The following CFAP44 variants were observed in gnomAD, a reference collection of about 807,000 sequenced individuals.
CFAP44 encodes cilia- and flagella-associated protein 44.
Under a neutral mutation model 216.2 loss-of-function variants are expected in CFAP44, and 134 were observed. The ratio of observed to expected loss-of-function variants is 0.62; its 90% CI spans 0.54 to 0.72. The LOEUF (loss-of-function observed/expected upper bound fraction) is 0.72. Among genes scored for constraint, CFAP44 ranks in the 30% least tolerant of loss-of-function variants. The probability of loss-of-function intolerance (pLI) is 0.00; values close to 1 mark genes in which losing one functional copy is unlikely to be tolerated. For missense variants in CFAP44, 2,035 were observed against 2,182.1 expected, an observed-to-expected ratio of 0.93 and a Z score of 1.34; for synonymous variants, 700 against 727.6, an observed-to-expected ratio of 0.96 and a Z score of 0.61.
chr3:113,323,589 G>A (rs968947959), intron 28 of CFAP44, among the ~76,000 whole-genome samples: 6 of 151,980 alleles, frequency 3.9e-5, no homozygotes, highest in Admixed American at 2.0e-4. Context: ...TAAAATAAAA[G>A]CTGAATTTTT....
chr3:113,396,633 G>A lies in CFAP44; in HGVS notation c.1664C>T (p.Ala555Val), dbSNP rs145391746. The A allele has an allele frequency of 2.9e-4, 466 of 1,613,952 alleles. No individual in the cohort carries two copies. The highest frequency in any genetic ancestry group is 6.6e-4 in the Middle Eastern group (4 of 6,062). The change falls in exon 14 of 35, where the codon GCG becomes GTG. Residue 555 changes from alanine (A) to valine (V), a missense_variant. Physicochemically the swap from Ala to Val is moderately conservative, Grantham distance 64. Around this residue, in one of 3 missense-constraint regions of CFAP44, gnomAD observed 1,883 missense variants for 2,023.7 expected, o/e 0.93. Coordinates refer to ENST00000393845, the MANE Select transcript of CFAP44 (RefSeq NM_001164496.2). ...LYDPKGLTIF[A>V]GRKKILDADI... The stretch of plus-strand genomic sequence containing the variant: ...AGCATCCAAAATTTTCTTCCGTCCC[G>A]CAAAAATCGTGAGCCCTTTTGGATC...
intron 28 of CFAP44, among the ~76,000 whole-genome samples, chr3:113,324,711 T>C (rs1426793225): frequency 1.3e-5 from 2 of 152,210 alleles, no homozygotes; most frequent in Non-Finnish European, 2.9e-5. Flanking sequence ...GTACTGGATG[T>C]TCTAGCCATG....
rs1333349475 is a variant in CFAP44, at chr3:113,441,490, G to A, written c.-43C>T. On this transcript the variant is annotated 5_prime_UTR_variant, in exon 1 of 35. In the 5' UTR this introduces an upstream ATG that the reference lacks. Transcript: ENST00000393845. The stretch of plus-strand genomic sequence containing the variant: ...CCGCCGCGGCTCCTCTCTTCACAGC[G>A]TCTGCCGGAGGCCTCCGTTTACTCC... 26 of 985,328 alleles carry A rather than the reference G, an allele frequency of 2.6e-5. No homozygotes were observed. Among genetic ancestry groups the A allele is most frequent in the East Asian group, 2.3e-4 (2 of 8,814 alleles). The allele number at this position is 985,328 out of a possible 1,614,324, so 61.0% of individuals were successfully genotyped here. A position where few individuals can be genotyped will look rare whatever the true frequency, so the allele number is the denominator to read the frequency against.
rs1304280302 is a variant in CFAP44 at position 113,397,046 on chromosome 3, C to T, written c.1570-319G>A. On this transcript the variant is annotated intron_variant, in intron 13 of 34. Transcript: ENST00000393845. ...GTGCTTGGTTTCACAGAGTTTTGGT[C>T]TAGTGAAAGGTGCAGACATTAATCA... 2.4e-5 allele frequency: 8 copies of T among 337,890 alleles called. No homozygotes were observed. The Admixed American group carries it at 3.0e-4, about 13-fold the overall frequency. The allele number at this position is 337,890 out of a possible 1,614,324, so 20.9% of individuals were successfully genotyped here.
intron 5 of CFAP44, among the ~76,000 whole-genome samples, chr3:113,419,016 C>T (rs957171669): frequency 6.6e-6 from 1 of 152,118 alleles, no homozygotes; most frequent in African/African-American, 2.4e-5. Context: ...GATTAGCATG[C>T]TTGACCACAC....
At chr3:113,432,285 T>C (rs1559948712) in intron 2 of CFAP44, 1 of 152,096 alleles carries the variant, frequency 6.6e-6, no homozygotes, top group African/African-American at 2.4e-5. Context: ...TGTAAGGGAG[T>C]TGAACAAGTA....
At chr3:113,370,379 A>C (rs1236416129) in intron 18 of CFAP44, among the ~76,000 whole-genome samples, 1 of 152,202 alleles carries the variant, frequency 6.6e-6, no homozygotes, top group African/African-American at 2.4e-5. Context: ...AAGCTTATCC[A>C]CCACAATCCA....
Position 113,395,855 on chromosome 3 carries a change from T to G in CFAP44, c.1785A>C (p.Lys595Asn). 6.2e-7 allele frequency: 1 copy of G among 1,611,732 alleles called. No homozygotes were observed. The highest frequency in any genetic ancestry group is 1.1e-5 in the South Asian group (1 of 90,690). The change falls in exon 15 of 35, where the codon AAA (lysine) becomes AAC (asparagine). Residue 595 changes from lysine (K) to asparagine (N), a missense_variant. Lys to Asn is a moderately conservative substitution (Grantham distance 94, BLOSUM62 0). Coordinates refer to ENST00000393845, the MANE Select transcript of CFAP44 (RefSeq NM_001164496.2). ...CTTCAAAGAAGAAAACAGTTTGATC[T>G]TTACTCTAAGGAAAAAGAGACACAC... ...RDGEILATGS[K>N]DQTVFFFEVE... is the part of the protein sequence containing the mutation.
intron 24 of CFAP44, among the ~76,000 whole-genome samples, 157 bp from the exon 25 acceptor site, chr3:113,333,740 A>G (rs1950259307): frequency 6.6e-6 from 1 of 152,214 alleles, no homozygotes; most frequent in African/African-American, 2.4e-5. Context: ...AGCATTTTTT[A>G]AAAGTCAATT....
chr3:113,336,196 G>C (rs1237053876), intron 24 of CFAP44, among the ~76,000 whole-genome samples: 1 of 152,022 alleles, frequency 6.6e-6, no homozygotes, highest in African/African-American at 2.4e-5. Flanking sequence ...AAGTTAACTA[G>C]AAGGGAAGAA....
chr3:113,328,766 T>C (rs1280039916), intron 26 of CFAP44, among the ~76,000 whole-genome samples: 2 of 134,576 alleles, frequency 1.5e-5, no homozygotes, highest in Non-Finnish European at 3.2e-5. Context: ...TAAGTAACCA[T>C]CTCTATAGAC....
At chr3:113,342,323 A>C (rs1950340692) in intron 23 of CFAP44, among the ~76,000 whole-genome samples, 1 of 152,142 alleles carries the variant, frequency 6.6e-6, no homozygotes, top group Non-Finnish European at 1.5e-5. Flanking sequence ...ACAGAGTGAG[A>C]CTCTGTCTCA....
chr3:113,342,682 TA>T (rs1258692396), intron 23 of CFAP44, among the ~76,000 whole-genome samples: 1 of 152,052 alleles, frequency 6.6e-6, no homozygotes, highest in Non-Finnish European at 1.5e-5. Flanking sequence ...CACAATCAAA[TA>T]AATAATTTAA....
intron 19 of CFAP44, among the ~76,000 whole-genome samples, chr3:113,365,746 A>T (rs1013604281): frequency 4.6e-5 from 7 of 152,196 alleles, no homozygotes; most frequent in Non-Finnish European, 7.3e-5. Flanking sequence ...ACTTTGAAAA[A>T]AAACCTTTGA....
Position 113,305,060 on chromosome 3 carries a change from A to G in CFAP44, c.4851T>C (p.Val1617=), listed in dbSNP as rs1373202663. 3 of 1,537,126 alleles carry G rather than the reference A, an allele frequency of 2.0e-6. No homozygotes were observed. The highest frequency in any genetic ancestry group is 4.9e-5 in the East Asian group (2 of 40,932). Residue 1617 remains valine (V), a synonymous_variant, in exon 31 of 35, where the codon GTT becomes GTC. Transcript: ENST00000393845. ...CCTGGTGGAGCTTGAGCGGAATCACAACTAGCAGTTCATTCAGCCGCTGCT... is the reference window on the plus strand; with the variant it reads ...CCTGGTGGAGCTTGAGCGGAATCACGACTAGCAGTTCATTCAGCCGCTGCT... ...EKQQRLNELL[V]VIPLKLHQIE...
chr3:113,402,742 C>A (rs1377582958), intron 9 of CFAP44, among the ~76,000 whole-genome samples: 1 of 152,106 alleles, frequency 6.6e-6, no homozygotes, highest in Non-Finnish European at 1.5e-5. Flanking sequence ...AGGACAGACT[C>A]TGAAAAGAGA....
intron 17 of CFAP44, 149 bp from the exon 18 acceptor site, chr3:113,373,705 T>A: frequency 7.8e-6 from 5 of 643,516 alleles, no homozygotes; most frequent in Non-Finnish European, 1.2e-5. Context: ...TATAGATTTA[T>A]TATTTCTATA....
intron 28 of CFAP44, among the ~76,000 whole-genome samples, chr3:113,317,227 C>T (rs1021430050): frequency 6.6e-6 from 1 of 152,322 alleles, no homozygotes; most frequent in South Asian, 2.1e-4. Context: ...AGGGGGATCT[C>T]CCCAGGGAGC....
At chr3:113,307,664 A>C (rs779699917) in intron 29 of CFAP44, among the ~76,000 whole-genome samples, 53 of 152,204 alleles carry the variant, frequency 3.5e-4, no homozygotes, top group Non-Finnish European at 7.1e-4. Flanking sequence ...GTTGAATATT[A>C]TTGAATAAAG....
Sources: allele counts gnomAD v4.1 joint callset (sites outside exome capture counted in the v4.1 genomes callset), GRCh38; gene constraint gnomAD v4.1.1; regional missense constraint gnomAD v4.1.1; transcripts MANE v1.5; gene names NCBI Gene and HGNC (gene_info 2026-07-23, HGNC 2026-07-21).